The following FBXL5 variants were observed in gnomAD, a reference collection of about 807,000 sequenced individuals.
The protein encoded by FBXL5 is F-box and leucine rich repeat protein 5, also known as F-box/LRR-repeat protein 5.
A neutral mutation model predicts 78.3 loss-of-function variants in FBXL5; 26 were observed. The ratio of observed to expected loss-of-function variants is 0.33; its 90% CI spans 0.24 to 0.46. The LOEUF (loss-of-function observed/expected upper bound fraction) is 0.46, where lower values mean the gene tolerates loss of function less well. Ranked by LOEUF, FBXL5 falls within the 20% of genes least tolerant of loss-of-function variation. The pLI is 1.00. For missense variants in FBXL5, 710 were observed against 829.2 expected (o/e 0.86, Z 1.77); for synonymous variants, 295 against 282.5 (o/e 1.04, Z -0.45).
At chr4:15,643,907 T>C (rs1275794828) in intron 2 of FBXL5, among the ~76,000 whole-genome samples, 2 of 152,206 alleles carry the variant, frequency 1.3e-5, no homozygotes, top group Non-Finnish European at 2.9e-5. Flanking sequence ...TGAGTAGCAT[T>C]CATTATAAAA....
At position 15,636,318 on chromosome 4, in the gene FBXL5, A is replaced by T. The variant is rs146971663; in HGVS notation, c.766+176T>A. On this transcript the variant is annotated intron_variant, in intron 5 of 10. Transcript: ENST00000341285. ...TTACAGACATCATTATAATTTACCC[A>T]TGAATTTCATCACTGCTAGTTTTCC... is the stretch of plus-strand genomic sequence containing the variant. 941 of 473,634 alleles carry T rather than the reference A, an allele frequency of 2.0e-3. 11 individuals carry two copies. Among genetic ancestry groups the T allele is most frequent in the Non-Finnish European group, 1.7e-3 (469 of 274,320 alleles). 29.3% of individuals were successfully genotyped at this position (473,634 alleles called of 1,614,324 possible).
chr4:15,636,883 A>C (rs998401733), intron 4 of FBXL5, among the ~76,000 whole-genome samples: 3 of 152,206 alleles, frequency 2.0e-5, no homozygotes, highest in African/African-American at 7.2e-5. Context: ...TCATGGCCCA[A>C]ATCATACTTC....
At chr4:15,679,000 C>G (rs73243132) in intron 1 of FBXL5, among the ~76,000 whole-genome samples, 14,035 of 151,908 alleles carry the variant, frequency 0.092, 796 homozygotes, top group Non-Finnish European at 0.13. Flanking sequence ...ATAATAGTCT[C>G]TGTCCCTAGC....
intron 1 of FBXL5, chr4:15,681,280 C>A (rs1718249828): frequency 6.5e-6 from 1 of 153,402 alleles, no homozygotes; most frequent in Admixed American, 6.5e-5. Flanking sequence ...TGAAAATCAC[C>A]TTGGAGTGTA....
At chr4:15,676,917 C>CA (rs949564880) in intron 1 of FBXL5, among the ~76,000 whole-genome samples, 1 of 151,836 alleles carries the variant, frequency 6.6e-6, no homozygotes, top group African/African-American at 2.4e-5. Context: ...AACAAAAAGA[C>CA]AAAAAAAGTA....
intron 9 of FBXL5, among the ~76,000 whole-genome samples, chr4:15,618,544 A>G (rs906431493): frequency 4.6e-5 from 7 of 152,252 alleles, no homozygotes; most frequent in African/African-American, 1.7e-4. Flanking sequence ...AAACATTTAA[A>G]AAAGAATTAA....
intron 6 of FBXL5, 21 bp from the exon 7 acceptor site, chr4:15,628,054 T>C: frequency 6.2e-7 from 1 of 1,610,122 alleles, no homozygotes; most frequent in Non-Finnish European, 8.5e-7. Flanking sequence ...AATTCAAAAG[T>C]CCAAGAACTT....
intron 6 of FBXL5, among the ~76,000 whole-genome samples, chr4:15,630,147 CA>C (rs1395902443): frequency 2.6e-5 from 4 of 152,186 alleles, no homozygotes; most frequent in Non-Finnish European, 2.9e-5. Flanking sequence ...AACTCTCCCA[CA>C]GTGTTTAATG....
intron 3 of FBXL5, among the ~76,000 whole-genome samples, chr4:15,640,394 A>G (rs1200645813): frequency 3.3e-4 from 4 of 12,174 alleles, no homozygotes; most frequent in Non-Finnish European, 7.2e-4. Context: ...TACACTACTG[A>G]AAAAAAAAAA....
chr4:15,623,124 A>C (rs1018768131), intron 9 of FBXL5, among the ~76,000 whole-genome samples: 3 of 152,052 alleles, frequency 2.0e-5, no homozygotes, highest in African/African-American at 7.3e-5. Context: ...GGAAGTGGGG[A>C]GGGAAACTCT....
chr4:15,654,421 A>G (rs1370968772), intron 1 of FBXL5, among the ~76,000 whole-genome samples: 1 of 152,196 alleles, frequency 6.6e-6, no homozygotes, highest in African/African-American at 2.4e-5. Context: ...ATGCTGCACC[A>G]ATTATGGGCC....
At chr4:15,605,889 G>T in intron 10 of FBXL5, 90 bp from the exon 11 acceptor site, 1 of 897,388 alleles carries the variant, frequency 1.1e-6, no homozygotes, top group Non-Finnish European at 1.8e-6. Flanking sequence ...ACATTCATTG[G>T]TTTTACTAGC....
At chr4:15,613,351 T>C (rs1190627406) in intron 9 of FBXL5, among the ~76,000 whole-genome samples, 1 of 152,212 alleles carries the variant, frequency 6.6e-6, no homozygotes, top group Admixed American at 6.5e-5. Context: ...TTTTATGGTA[T>C]GTTAATTACA....
chr4:15,670,913 ACTTTTTT>A (rs1285276577), intron 1 of FBXL5, among the ~76,000 whole-genome samples: 3 of 98,030 alleles, frequency 3.1e-5, no homozygotes, highest in African/African-American at 1.2e-4. Flanking sequence ...CTGTGCGTAG[ACTTTTTT>A]TTTTTTTTTT....
intron 9 of FBXL5, among the ~76,000 whole-genome samples, chr4:15,617,351 G>A (rs1052656631): frequency 3.3e-5 from 5 of 151,972 alleles, no homozygotes; most frequent in Admixed American, 6.5e-5. Flanking sequence ...GGACCAGACT[G>A]GGCAACACGG....
chr4:15,618,032 G>A (rs1037355306), intron 9 of FBXL5, among the ~76,000 whole-genome samples: 2 of 152,142 alleles, frequency 1.3e-5, no homozygotes, highest in African/African-American at 4.8e-5. Flanking sequence ...CAAAGTAGCA[G>A]GAGGGGAAAC....
intron 9 of FBXL5, among the ~76,000 whole-genome samples, chr4:15,624,069 C>T (rs1712762125): frequency 6.6e-6 from 1 of 152,050 alleles, no homozygotes; most frequent in Non-Finnish European, 1.5e-5. Flanking sequence ...CGTGATCCAC[C>T]AGCCTTGGCC....
intron 5 of FBXL5, among the ~76,000 whole-genome samples, chr4:15,634,688 G>C (rs2148611492): frequency 6.6e-6 from 1 of 151,890 alleles, no homozygotes; most frequent in East Asian, 1.9e-4. Context: ...TTTTTTAGTA[G>C]AGATGAGGTC....
chr4:15,613,753 A>G (rs904977418), intron 9 of FBXL5, among the ~76,000 whole-genome samples: 1 of 151,960 alleles, frequency 6.6e-6, no homozygotes, highest in African/African-American at 2.4e-5. Context: ...GCATTTCTCT[A>G]AGTGTGTCCT....
Sources: gnomAD v4.1 joint callset for allele counts (sites outside exome capture counted in the v4.1 genomes callset) on GRCh38, gnomAD v4.1.1 for gene constraint, MANE v1.5 for transcripts, NCBI Gene and HGNC (gene_info 2026-07-23, HGNC 2026-07-21) for gene names.